The following PHIP variants were observed in gnomAD, a reference collection of about 807,000 sequenced individuals.
PHIP encodes PH-interacting protein.
In PHIP, 54 loss-of-function variants were observed where a neutral mutation model predicts 236.8. The ratio of observed to expected loss-of-function variants is 0.23; its 90% CI spans 0.18 to 0.29. PHIP has a LOEUF of 0.29. PHIP is among the 10% of genes least tolerant of loss of function. PHIP has a pLI of 1.00. For synonymous variants in PHIP, 756 were observed against 718.9 expected, an observed-to-expected ratio of 1.05 and a Z score of -0.83; for missense variants, 1,370 against 2,190.8, an observed-to-expected ratio of 0.63 and a Z score of 7.48.
intron 4 of PHIP, among the ~76,000 whole-genome samples, chr6:79,066,992 G>A (rs974009496): frequency 9.9e-5 from 15 of 152,064 alleles, no homozygotes; most frequent in African/African-American, 3.4e-4. Flanking sequence ...GGGCTCAAAC[G>A]ATCCTCCGAC....
At chr6:78,955,324 T>C in intron 33 of PHIP, 42 bp from the exon 34 acceptor site, 1 of 1,380,720 alleles carries the variant, frequency 7.2e-7, no homozygotes, top group Non-Finnish European at 1.0e-6. Flanking sequence ...ACATTTTAGA[T>C]GTCATTATAC....
intron 7 of PHIP, among the ~76,000 whole-genome samples, chr6:79,036,426 T>C (rs1311012868): frequency 6.6e-6 from 1 of 152,206 alleles, no homozygotes; most frequent in African/African-American, 2.4e-5. Flanking sequence ...TTTCCATTAT[T>C]ATCAAACATG....
At chr6:78,976,098 G>C (rs932659374) in intron 24 of PHIP, among the ~76,000 whole-genome samples, 18 of 150,836 alleles carry the variant, frequency 1.2e-4, no homozygotes, top group African/African-American at 4.4e-4. Context: ...CAAAGCTGGA[G>C]GCATCACACT....
chr6:78,988,340 G>A lies in PHIP; in HGVS notation c.2329C>T (p.His777Tyr), dbSNP rs1210818166. ...KIPTVSKNHA[H>Y]EHFLDLGESK... The stretch of plus-strand genomic sequence containing the variant: ...TCTCCAAGATCCAGGAAATGCTCAT[G>A]AGCATGATTCTAGAAAAAAATAAAT... Residue 777 changes from histidine (H) to tyrosine (Y), a missense_variant, in exon 21 of 40, where the codon CAT (histidine) becomes TAT (tyrosine). His to Tyr is a moderately conservative substitution (Grantham distance 83). Transcript: ENST00000275034. 6.3e-7 allele frequency: 1 copy of A among 1,588,232 alleles called. No individual in the cohort carries two copies. Among genetic ancestry groups the A allele is most frequent in the Non-Finnish European group, 8.6e-7 (1 of 1,167,206 alleles).
In PHIP at chr6:79,015,705, T is replaced by G. The variant is rs528285274; in HGVS notation, c.1314A>C (p.Thr438=). The change falls in exon 14 of 40, where the codon ACA becomes ACC. Residue 438 remains threonine, a synonymous_variant. Coordinates refer to ENST00000275034, the MANE Select transcript of PHIP (RefSeq NM_017934.7). ...TMVAWDRHDN[T]VITAVNNMTL... is the part of the protein sequence containing the mutation. ...TCATGTTATTAACTGCAGTTATAACTGTATTGTCATGTCGATCCCAAGCTA... is the reference window on the plus strand; with the variant it reads ...TCATGTTATTAACTGCAGTTATAACGGTATTGTCATGTCGATCCCAAGCTA... 2 of 1,603,020 alleles carry G rather than the reference T, an allele frequency of 1.2e-6. No individual in the cohort carries two copies. Among genetic ancestry groups the G allele is most frequent in the Admixed American group, 3.3e-5 (2 of 59,850 alleles).
Position 78,946,761 on chromosome 6 carries a change from C to T in PHIP, c.4320G>A (p.Arg1440=), listed in dbSNP as rs531409891. ...RFHKRNTITK[R]RKKRNRSSSV... is the part of the protein sequence containing the mutation. ...AGCTGCTTCTGTTTCTTTTCTTCCTCCTTTTGGTTATGGTATTTCTTTTAT... is the reference window on the plus strand; with the variant it reads ...AGCTGCTTCTGTTTCTTTTCTTCCTTCTTTTGGTTATGGTATTTCTTTTAT... Residue 1440 remains arginine (R), a synonymous_variant, in exon 37 of 40, where the codon AGG becomes AGA. Transcript: ENST00000275034. The T allele has an allele frequency of 3.8e-6, 6 of 1,591,118 alleles. No homozygotes were observed. Among genetic ancestry groups the T allele is most frequent in the Non-Finnish European group, 5.1e-6 (6 of 1,171,766 alleles).
intron 12 of PHIP, 64 bp downstream of exon 12, chr6:79,017,282 G>A: frequency 1.0e-6 from 1 of 968,216 alleles, no homozygotes; most frequent in Non-Finnish European, 1.5e-6. Flanking sequence ...AATAAAATCT[G>A]ATGACTAAAA....
intron 39 of PHIP, among the ~76,000 whole-genome samples, chr6:78,944,455 T>G (rs1773692692): frequency 6.6e-6 from 1 of 151,918 alleles, no homozygotes; most frequent in Non-Finnish European, 1.5e-5. Context: ...AGGAAAATAG[T>G]CCAAGCAAGA....
At chr6:79,007,706 T>G (rs941832673) in intron 15 of PHIP, among the ~76,000 whole-genome samples, 8 of 149,692 alleles carry the variant, frequency 5.3e-5, no homozygotes, top group Middle Eastern at 3.5e-3. Context: ...AGAAAGCATC[T>G]TACCTAGGAA....
intron 19 of PHIP, among the ~76,000 whole-genome samples, chr6:78,995,932 GAAAGAATATCTGTT>G (rs1769580743): frequency 6.6e-6 from 1 of 152,202 alleles, no homozygotes; most frequent in Non-Finnish European, 1.5e-5. Context: ...GAAGCCCAAA[GAAAGAATATCTGTT>G]AAAGTTATGG....
chr6:78,973,710 A>G (rs577883307), intron 24 of PHIP, among the ~76,000 whole-genome samples: 3 of 152,034 alleles, frequency 2.0e-5, no homozygotes, highest in Admixed American at 2.0e-4. Context: ...AAAACAAAAA[A>G]AGACAGGGGT....
At position 78,936,663 on chromosome 6, in the gene PHIP, C is replaced by T. The variant is rs1202614843; in HGVS notation, c.*4030G>A. The T allele has an allele frequency of 2.0e-5, 3 of 151,732 alleles. No individual in the cohort carries two copies. Among genetic ancestry groups the T allele is most frequent in the Non-Finnish European group, 4.4e-5 (3 of 67,748 alleles). The allele number at this position is 151,732 out of a possible 1,614,324, so 9.4% of individuals were successfully genotyped here. A position where few individuals can be genotyped will look rare whatever the true frequency, so the allele number is the denominator to read the frequency against. ...GAGCTATCAAAACTAAAAATAATAT[C>T]TATTTATAGCTCATATTTTCTACTC... is the stretch of plus-strand genomic sequence containing the variant. On this transcript the variant is annotated 3_prime_UTR_variant, in exon 40 of 40. Transcript: ENST00000275034.
chr6:78,980,593 T>A (rs2127716775), intron 23 of PHIP, among the ~76,000 whole-genome samples: 2 of 151,904 alleles, frequency 1.3e-5, no homozygotes, highest in Middle Eastern at 6.8e-3. Flanking sequence ...GGTAAATAAG[T>A]TTTGTAGGTG....
At chr6:78,998,536 T>TAA (rs1038643422) in intron 17 of PHIP, 145 bp from the exon 18 acceptor site, 22 of 477,536 alleles carry the variant, frequency 4.6e-5, no homozygotes, top group South Asian at 1.6e-4. Context: ...TGATGGGAGT[T>TAA]AAAAAAAAAA....
intron 29 of PHIP, among the ~76,000 whole-genome samples, chr6:78,964,824 T>C (rs1767028143): frequency 6.6e-6 from 1 of 152,298 alleles, no homozygotes; most frequent in South Asian, 2.1e-4. Flanking sequence ...TCAAACAATA[T>C]AGAATAACGT....
In PHIP at chr6:79,062,821, T is replaced by C. The variant is rs758126545; in HGVS notation, c.190-2003A>G. 1.1e-3 allele frequency among the ~76,000 whole-genome samples: 173 copies of C among 152,202 alleles called. 1 individual carries two copies. The highest frequency in any genetic ancestry group is 7.8e-4 in the Non-Finnish European group (53 of 68,034). On this transcript the variant is annotated intron_variant, in intron 4 of 39. Coordinates refer to ENST00000275034, the MANE Select transcript of PHIP (RefSeq NM_017934.7). ...ACTTTATACAAGCTGATGCCTCTGCTGGCAATCTTGTCTTACCTGCTCACC... is the reference window on the plus strand; with the variant it reads ...ACTTTATACAAGCTGATGCCTCTGCCGGCAATCTTGTCTTACCTGCTCACC...
At chr6:78,981,722 C>T (rs1768548899) in intron 23 of PHIP, among the ~76,000 whole-genome samples, 1 of 151,978 alleles carries the variant, frequency 6.6e-6, no homozygotes, top group Non-Finnish European at 1.5e-5. Flanking sequence ...AGAATATTTA[C>T]CTAATTAGCC....
intron 20 of PHIP, among the ~76,000 whole-genome samples, chr6:78,988,982 G>T (rs1013429094): frequency 2.6e-5 from 4 of 152,140 alleles, no homozygotes; most frequent in African/African-American, 7.2e-5. Flanking sequence ...GAATAAATGT[G>T]AGAAGTCTTC....
intron 4 of PHIP, among the ~76,000 whole-genome samples, chr6:79,074,474 T>C (rs939736177): frequency 6.6e-6 from 1 of 152,138 alleles, no homozygotes; most frequent in Non-Finnish European, 1.5e-5. Context: ...AAAAGTTTTT[T>C]ATTCTACAGT....
Sources: gnomAD v4.1 joint callset for allele counts (sites outside exome capture counted in the v4.1 genomes callset) on GRCh38, gnomAD v4.1.1 for gene constraint, MANE v1.5 for transcripts, NCBI Gene and HGNC (gene_info 2026-07-23, HGNC 2026-07-21) for gene names.